The following EXOC4 variants were observed in gnomAD, a reference collection of about 807,000 sequenced individuals.
EXOC4 encodes SEC8-like 1.
Under a neutral mutation model 107.2 loss-of-function variants are expected in EXOC4, and 71 were observed. That is an observed-to-expected ratio of 0.66 (90% CI 0.55 to 0.81). The LOEUF (loss-of-function observed/expected upper bound fraction) is 0.81, where lower values mean the gene tolerates loss of function less well. EXOC4 is among the 30% of genes least tolerant of loss of function. The probability of loss-of-function intolerance (pLI) is 0.00; values close to 1 mark genes in which losing one functional copy is unlikely to be tolerated. For missense variants in EXOC4, 1,108 were observed against 1,189.6 expected (o/e 0.93, Z 1.01); for synonymous variants, 456 against 441.2 (o/e 1.03, Z -0.42).
intron 17 of EXOC4, among the ~76,000 whole-genome samples, chr7:134,046,117 A>G (rs1006731651): frequency 6.6e-6 from 1 of 152,198 alleles, no homozygotes; most frequent in African/African-American, 2.4e-5. Context: ...TCTTAAGTAC[A>G]CAGCTTGATT....
downstream of EXOC4, among the ~76,000 whole-genome samples, chr7:134,068,427 C>T (rs1796215230): frequency 6.6e-6 from 1 of 152,182 alleles, no homozygotes; most frequent in Non-Finnish European, 1.5e-5. Flanking sequence ...TTCTCCTTGC[C>T]TACTGCCATG....
chr7:133,479,937 C>T (rs1419874274), intron 8 of EXOC4, 113 bp from the exon 9 acceptor site: 11 of 876,466 alleles, frequency 1.3e-5, no homozygotes, highest in Admixed American at 3.7e-5. Context: ...GTCTTCATCA[C>T]GGAACATCGG....
chr7:133,539,522 C>T (rs1383983995), intron 9 of EXOC4, among the ~76,000 whole-genome samples: 2 of 151,080 alleles, frequency 1.3e-5, no homozygotes, highest in Admixed American at 1.3e-4. Flanking sequence ...GTTGCATTCT[C>T]TTCCATGTTG....
intron 11 of EXOC4, among the ~76,000 whole-genome samples, chr7:133,857,114 G>GTA (rs1288516173): frequency 7.4e-5 from 6 of 81,564 alleles, no homozygotes; most frequent in African/African-American, 1.1e-4. Flanking sequence ...ATATATATGT[G>GTA]TATATATATA....
chr7:133,724,535 G>T (rs1795175761), intron 10 of EXOC4, among the ~76,000 whole-genome samples: 1 of 152,054 alleles, frequency 6.6e-6, no homozygotes, highest in Non-Finnish European at 1.5e-5. Flanking sequence ...AGTTATATTA[G>T]TGACAAAACA....
chr7:134,018,764 C>T (rs1794964483), intron 17 of EXOC4, among the ~76,000 whole-genome samples: 1 of 151,864 alleles, frequency 6.6e-6, no homozygotes, highest in Non-Finnish European at 1.5e-5. Flanking sequence ...GTTCTTGTGA[C>T]TAGTTACCAT....
At chr7:133,588,856 G>T (rs370977670) in intron 9 of EXOC4, among the ~76,000 whole-genome samples, 2 of 152,078 alleles carry the variant, frequency 1.3e-5, no homozygotes, top group South Asian at 2.1e-4. Context: ...CAGACTGGGC[G>T]ACAAGAGTGA....
At chr7:133,840,884 GT>G (rs1326625938) in intron 11 of EXOC4, among the ~76,000 whole-genome samples, 1 of 152,158 alleles carries the variant, frequency 6.6e-6, no homozygotes, top group African/African-American at 2.4e-5. Context: ...AATGTGTTAT[GT>G]TGTATTTCAC....
At chr7:133,827,384 G>A (rs1797726831) in intron 11 of EXOC4, among the ~76,000 whole-genome samples, 1 of 152,150 alleles carries the variant, frequency 6.6e-6, no homozygotes, top group Non-Finnish European at 1.5e-5. Flanking sequence ...CATCTGACTA[G>A]CTGGTTTTCT....
chr7:133,586,803 T>G (rs1485641854), intron 9 of EXOC4, among the ~76,000 whole-genome samples: 3 of 152,162 alleles, frequency 2.0e-5, no homozygotes, highest in Non-Finnish European at 4.4e-5. Context: ...TCACCTCTGT[T>G]ATGGGCTCTT....
chr7:133,867,556 T>G (rs139654297), intron 11 of EXOC4, among the ~76,000 whole-genome samples: 69 of 152,268 alleles, frequency 4.5e-4, no homozygotes, highest in African/African-American at 1.6e-3. Context: ...TCTTTTCAAG[T>G]GAGGGCAGAG....
intron 9 of EXOC4, among the ~76,000 whole-genome samples, chr7:133,534,189 T>C (rs1261709490): frequency 6.6e-6 from 1 of 152,198 alleles, no homozygotes; most frequent in Non-Finnish European, 1.5e-5. Context: ...CATGTTTTTG[T>C]TGCCATTTTT....
At chr7:134,002,860 A>G (rs966065163) in intron 15 of EXOC4, among the ~76,000 whole-genome samples, 2 of 151,300 alleles carry the variant, frequency 1.3e-5, no homozygotes, top group African/African-American at 2.4e-5. Context: ...GAACTTTTGT[A>G]TACTGCCAGT....
At chr7:133,381,632 C>T (rs1028173499) in intron 7 of EXOC4, among the ~76,000 whole-genome samples, 4 of 152,116 alleles carry the variant, frequency 2.6e-5, no homozygotes, top group Admixed American at 6.6e-5. Context: ...GATTTGGGTG[C>T]AGGTTGTGAA....
chr7:133,266,803 A>G (rs1456495909), intron 1 of EXOC4, among the ~76,000 whole-genome samples: 1 of 152,216 alleles, frequency 6.6e-6, no homozygotes, highest in Non-Finnish European at 1.5e-5. Context: ...ATCTTTTACT[A>G]TATTAGGTCT....
At chr7:133,988,323 A>G (rs903114825) in intron 14 of EXOC4, among the ~76,000 whole-genome samples, 6 of 152,232 alleles carry the variant, frequency 3.9e-5, no homozygotes, top group Admixed American at 6.5e-5. Context: ...GATTATACTC[A>G]GAAAACTAAG....
chr7:133,885,035 G>GC (rs1339129333), intron 11 of EXOC4, among the ~76,000 whole-genome samples: 1 of 152,154 alleles, frequency 6.6e-6, no homozygotes, highest in African/African-American at 2.4e-5. Flanking sequence ...CAGCATAGTG[G>GC]CCAGGCGCAG....
intron 10 of EXOC4, among the ~76,000 whole-genome samples, chr7:133,645,955 C>T (rs1254196716): frequency 6.6e-6 from 1 of 152,116 alleles, no homozygotes; most frequent in African/African-American, 2.4e-5. Context: ...TGGCAGGCTG[C>T]CTGTGTTTGA....
rs764275251 is a variant in EXOC4, at chr7:134,007,830, T to C, written c.2682T>C (p.Phe894=). ...ITMSREADLD[F]ARQYYEMLYN... ...TGTCGCGGGAGGCAGACCTGGACTT[T>C]GCAAGGTAGGAGGGAAAACTGGGTT... Residue 894 remains phenylalanine (F), a synonymous_variant, in exon 17 of 18, where the codon TTT becomes TTC. Transcript: ENST00000253861. The C allele has an allele frequency of 3.7e-6, 6 of 1,611,862 alleles. No homozygotes were observed. In the South Asian group the frequency reaches 4.4e-5, roughly 12 times the overall value.
Sources: allele counts gnomAD v4.1 joint callset (sites outside exome capture counted in the v4.1 genomes callset), GRCh38; gene constraint gnomAD v4.1.1; transcripts MANE v1.5; gene names NCBI Gene and HGNC (gene_info 2026-07-23, HGNC 2026-07-21).